The following TRAP1 variants were observed in gnomAD, a reference collection of about 807,000 sequenced individuals.
TRAP1 encodes the protein heat shock protein 75 kDa, mitochondrial.
Under a neutral mutation model 89.1 loss-of-function variants are expected in TRAP1, and 102 were observed. The ratio of observed to expected loss-of-function variants is 1.15; its 90% CI spans 0.98 to 1.35. The LOEUF (loss-of-function observed/expected upper bound fraction) is 1.35, where lower values mean the gene tolerates loss of function less well. TRAP1 is among the 40% of genes most tolerant of loss of function. The probability of loss-of-function intolerance (pLI) is 0.00; values close to 1 mark genes in which losing one functional copy is unlikely to be tolerated. For missense variants in TRAP1, 1,256 were observed against 945.3 expected, an observed-to-expected ratio of 1.33 and a Z score of -4.31; for synonymous variants, 508 against 388.0, an observed-to-expected ratio of 1.31 and a Z score of -3.64.
At chr16:3,668,249 G>A (rs1031331478) in intron 11 of TRAP1, among the ~76,000 whole-genome samples, 1 of 151,230 alleles carries the variant, frequency 6.6e-6, no homozygotes, top group Non-Finnish European at 1.5e-5. Context: ...AAGTAGAGAC[G>A]GGGTTTTACC....
chr16:3,663,992 G>A (rs2044428376), intron 13 of TRAP1: 1 of 372,314 alleles, frequency 2.7e-6, no homozygotes, highest in Non-Finnish European at 4.8e-6. Flanking sequence ...GAACCCAGGA[G>A]GCGGAAGTTG....
Position 3,672,101 on chromosome 16 carries a change from G to A in TRAP1, c.1166-310C>T, listed in dbSNP as rs145521597. Among the ~76,000 whole-genome samples the A allele has an allele frequency of 5.5e-3, 834 of 152,316 alleles. 3 individuals are homozygous for A. Among genetic ancestry groups the A allele is most frequent in the African/African-American group, 0.018 (759 of 41,566 alleles). ...GCCTGTAATCCCAGCGCTTTGGGAG[G>A]CCGAGGTGGGCGGATCATGAGGTCA... On this transcript the variant is annotated intron_variant, in intron 10 of 17. Transcript: ENST00000246957.
chr16:3,695,157 C>T (rs1211833228), intron 1 of TRAP1, among the ~76,000 whole-genome samples: 1 of 152,184 alleles, frequency 6.6e-6, no homozygotes, highest in Non-Finnish European at 1.5e-5. Flanking sequence ...TGCAAAGACC[C>T]TATTTCCAAA....
intron 7 of TRAP1, among the ~76,000 whole-genome samples, 186 bp from the exon 8 acceptor site, chr16:3,675,583 C>T (rs574074412): frequency 1.9e-4 from 29 of 152,256 alleles, no homozygotes; most frequent in Admixed American, 1.4e-3. Context: ...GGGGCAGCAG[C>T]GGAGCCCACG....
rs1430216246 is a variant in TRAP1, at chr16:3,660,349, G to T, written c.1941-1484C>A. The stretch of plus-strand genomic sequence containing the variant: ...ACCAAATTTTAAAACAAATGAAAGT[G>T]AAGCTGGCTGGGCACAGTGGCTCTC... On this transcript the variant is annotated intron_variant, in intron 16 of 17. Transcript: ENST00000246957. 3 of 152,256 alleles carry T rather than the reference G, an allele frequency of 2.0e-5. No homozygotes were observed. The East Asian group carries it at 5.8e-4, about 29-fold the overall frequency. The allele number at this position is 152,256 out of a possible 1,614,324, so 9.4% of individuals were successfully genotyped here. A position where few individuals can be genotyped will look rare whatever the true frequency, so the allele number is the denominator to read the frequency against.
Position 3,675,403 on chromosome 16 carries a change from AG to A in TRAP1, c.815-7del. The stretch of plus-strand genomic sequence containing the variant: ...GCTGTACTTCGTTACCACATCTGGA[AG>A]GGACAAAAGAAAAACCACACTGCAT... On this transcript the variant is annotated splice_polypyrimidine_tract_variant and splice_region_variant and intron_variant, in intron 7 of 17. Coordinates refer to ENST00000246957, the MANE Select transcript of TRAP1 (RefSeq NM_016292.3). 1 of 1,613,896 alleles carries A rather than the reference AG, an allele frequency of 6.2e-7. No homozygotes were observed. The highest frequency in any genetic ancestry group is 1.1e-5 in the South Asian group (1 of 91,076).
chr16:3,695,782 G>C (rs957339017), intron 1 of TRAP1, among the ~76,000 whole-genome samples: 1 of 152,154 alleles, frequency 6.6e-6, no homozygotes, highest in African/African-American at 2.4e-5. Context: ...GTCCCCTGCG[G>C]AGTCAGCAGG....
intron 16 of TRAP1, chr16:3,660,962 G>C (rs1294371959): frequency 2.0e-5 from 3 of 150,728 alleles, no homozygotes; most frequent in Admixed American, 6.7e-5. Flanking sequence ...TGTGGGGGGG[G>C]TGGTAAGTCT....
At chr16:3,675,959 G>GA in intron 7 of TRAP1, 77 bp downstream of exon 7, 1 of 1,304,364 alleles carries the variant, frequency 7.7e-7, no homozygotes, top group South Asian at 1.3e-5. Context: ...TAGAACCAGG[G>GA]AAAATGCCTG....
intron 4 of TRAP1, among the ~76,000 whole-genome samples, 188 bp downstream of exon 4, chr16:3,685,808 C>A (rs915448120): frequency 6.6e-6 from 1 of 152,160 alleles, no homozygotes; most frequent in Non-Finnish European, 1.5e-5. Context: ...TTCTTCTTTT[C>A]TGCTTACCTG....
Position 3,677,616 on chromosome 16 carries a change from T to C in TRAP1, c.586A>G (p.Lys196Glu), listed in dbSNP as rs770180345. ...CCCACTCCAAACTGGCCGATGATCTTGCTGCTGGCCTCAGCCTGGTTCTGC... is the reference window on the plus strand; with the variant it reads ...CCCACTCCAAACTGGCCGATGATCTCGCTGCTGGCCTCAGCCTGGTTCTGC... The part of the protein sequence containing the change: ...ALQNQAEASS[K>E]IIGQFGVGFY... Residue 196 changes from lysine to glutamate, a missense_variant, in exon 6 of 18, where the codon AAG becomes GAG. Lys to Glu is a moderately conservative substitution (Grantham distance 56, BLOSUM62 1). Coordinates refer to ENST00000246957, the MANE Select transcript of TRAP1 (RefSeq NM_016292.3). 1.2e-6 allele frequency: 2 copies of C among 1,614,060 alleles called. No homozygotes were observed. Among genetic ancestry groups the C allele is most frequent in the Non-Finnish European group, 1.7e-6 (2 of 1,180,018 alleles).
intron 11 of TRAP1, among the ~76,000 whole-genome samples, chr16:3,667,993 A>AC (rs2151247421): frequency 7.6e-6 from 1 of 132,376 alleles, no homozygotes; most frequent in Admixed American, 8.7e-5. Context: ...CAGTGGCGTG[A>AC]TTTTGGCGCA....
chr16:3,706,275 A>T (rs1229718223), intron 1 of TRAP1, among the ~76,000 whole-genome samples: 1 of 151,568 alleles, frequency 6.6e-6, no homozygotes, highest in Non-Finnish European at 1.5e-5. Context: ...TTTTTACTGT[A>T]ACTTTTGTTT....
chr16:3,668,238 T>G (rs1260240105), intron 11 of TRAP1, among the ~76,000 whole-genome samples: 3 of 151,788 alleles, frequency 2.0e-5, no homozygotes, highest in African/African-American at 4.8e-5. Context: ...TTCTATTTTT[T>G]AAGTAGAGAC....
At chr16:3,701,547 T>G (rs1485468680) in intron 1 of TRAP1, among the ~76,000 whole-genome samples, 1 of 74,122 alleles carries the variant, frequency 1.3e-5, no homozygotes, top group South Asian at 4.4e-4. Flanking sequence ...TAAGACCCTG[T>G]CCCAAAAAAA....
At chr16:3,689,030 C>G (rs373945782) in intron 3 of TRAP1, 25 bp downstream of exon 3, 3 of 1,578,230 alleles carry the variant, frequency 1.9e-6, no homozygotes, top group Non-Finnish European at 2.6e-6. Context: ...TTGCTAGCAT[C>G]GGGCATGGTT....
chr16:3,697,379 T>C (rs1007619686), intron 1 of TRAP1, among the ~76,000 whole-genome samples: 2 of 152,092 alleles, frequency 1.3e-5, no homozygotes, highest in African/African-American at 4.8e-5. Flanking sequence ...TTAAGGAAAT[T>C]AGTCGCCAGG....
intron 1 of TRAP1, among the ~76,000 whole-genome samples, chr16:3,698,310 CACA>C (rs2051317597): frequency 6.6e-6 from 1 of 151,404 alleles, no homozygotes. Flanking sequence ...GTAAACTTTC[CACA>C]ACAACTTTTT....
intron 11 of TRAP1, among the ~76,000 whole-genome samples, chr16:3,670,726 G>A (rs1407150445): frequency 6.6e-6 from 1 of 152,126 alleles, no homozygotes; most frequent in East Asian, 1.9e-4. Context: ...CATCACTGCG[G>A]CTTGCTTGGT....
Sources: gnomAD v4.1 joint callset for allele counts (sites outside exome capture counted in the v4.1 genomes callset) on GRCh38, gnomAD v4.1.1 for gene constraint, MANE v1.5 for transcripts, NCBI Gene and HGNC (gene_info 2026-07-23, HGNC 2026-07-21) for gene names.